AUTS2: variants seen among roughly 807,000 people sequenced by gnomAD.
AUTS2 encodes activator of transcription and developmental regulator AUTS2, also known as autism susceptibility gene 2 protein.
Under a neutral mutation model 112.4 loss-of-function variants are expected in AUTS2, and 17 were observed. The ratio of observed to expected loss-of-function variants is 0.15; its 90% CI spans 0.10 to 0.23. AUTS2 has a LOEUF of 0.23. AUTS2 is among the 10% of genes least tolerant of loss of function. The pLI, the probability that AUTS2 is intolerant of heterozygous loss-of-function variation, is 1.00. For synonymous variants in AUTS2, 751 were observed against 702.7 expected, an observed-to-expected ratio of 1.07 and a Z score of -1.09; for missense variants, 1,510 against 1,701.6, an observed-to-expected ratio of 0.89 and a Z score of 1.98.
chr7:70,073,948 G>A (rs1369768683), intron 2 of AUTS2, among the ~76,000 whole-genome samples: 1 of 152,142 alleles, frequency 6.6e-6, no homozygotes, highest in Non-Finnish European at 1.5e-5. Flanking sequence ...ATACTTATCT[G>A]TGAAAGGTTT....
intron 6 of AUTS2, among the ~76,000 whole-genome samples, chr7:70,742,882 T>C (rs1788200300): frequency 1.3e-5 from 2 of 152,098 alleles, no homozygotes; most frequent in South Asian, 2.1e-4. Context: ...ACCACAGATA[T>C]CAGGAAGCCC....
intron 4 of AUTS2, among the ~76,000 whole-genome samples, chr7:70,237,687 A>G (rs1262726187): frequency 6.6e-6 from 1 of 152,214 alleles, no homozygotes; most frequent in Non-Finnish European, 1.5e-5. Context: ...AAATGTATTA[A>G]TTCAACATGA....
chr7:69,894,265 T>TGTTTTTTTTTTG (rs1216689841), intron 1 of AUTS2, among the ~76,000 whole-genome samples: 1 of 119,152 alleles, frequency 8.4e-6, no homozygotes, highest in African/African-American at 2.9e-5. Flanking sequence ...TTTTTTTTTT[T>TGTTTTTTTTTTG]TTTTTTTTTT....
intron 1 of AUTS2, among the ~76,000 whole-genome samples, chr7:69,723,520 T>G (rs963408505): frequency 3.9e-5 from 6 of 152,130 alleles, no homozygotes; most frequent in African/African-American, 1.4e-4. Context: ...ATGATGATAA[T>G]TACAGGAAGA....
At chr7:70,056,727 A>G (rs981085518) in intron 2 of AUTS2, among the ~76,000 whole-genome samples, 1 of 152,188 alleles carries the variant, frequency 6.6e-6, no homozygotes, top group African/African-American at 2.4e-5. Context: ...AGGATTGGCA[A>G]CTGTGTGAGG....
At chr7:70,488,086 G>A (rs1474643670) in intron 5 of AUTS2, among the ~76,000 whole-genome samples, 5 of 152,192 alleles carry the variant, frequency 3.3e-5, no homozygotes, top group African/African-American at 1.2e-4. Context: ...CTGGAACCCA[G>A]CAATGGGAAG....
chr7:69,927,186 T>A (rs371769237), intron 2 of AUTS2, among the ~76,000 whole-genome samples: 3 of 142,408 alleles, frequency 2.1e-5, no homozygotes, highest in African/African-American at 5.1e-5. Flanking sequence ...TCCAATATAT[T>A]TATATATATA....
intron 1 of AUTS2, among the ~76,000 whole-genome samples, chr7:69,804,109 A>G (rs986583025): frequency 8.5e-5 from 13 of 152,176 alleles, no homozygotes; most frequent in Non-Finnish European, 1.2e-4. Context: ...TTATTTCCCT[A>G]AGAAAATGTA....
At chr7:70,510,351 C>T (rs1799132298) in intron 5 of AUTS2, among the ~76,000 whole-genome samples, 1 of 152,204 alleles carries the variant, frequency 6.6e-6, no homozygotes, top group Admixed American at 6.5e-5. Context: ...TTGAACTTAG[C>T]AACTGAAGAA....
chr7:70,603,282 T>A (rs1288628925), intron 5 of AUTS2, among the ~76,000 whole-genome samples: 4 of 152,184 alleles, frequency 2.6e-5, no homozygotes, highest in African/African-American at 9.7e-5. Context: ...AGGATGCTTT[T>A]GGGTAAGAGT....
chr7:69,642,943 C>T (rs984546439), intron 1 of AUTS2, among the ~76,000 whole-genome samples: 1 of 152,154 alleles, frequency 6.6e-6, no homozygotes, highest in African/African-American at 2.4e-5. Context: ...AGTCTGGGCA[C>T]TTCTTAGTTG....
chr7:69,646,956 C>T (rs989416498), intron 1 of AUTS2, among the ~76,000 whole-genome samples: 1 of 151,954 alleles, frequency 6.6e-6, no homozygotes, highest in African/African-American at 2.4e-5. Context: ...CGCGTAGTGG[C>T]GGGCGCCTGT....
rs371904658 is a variant in AUTS2, at chr7:69,883,282, C to CT, written c.310-15988dup. 4.9e-3 allele frequency among the ~76,000 whole-genome samples: 681 copies of CT among 137,672 alleles called. 1 individual carries two copies. Among genetic ancestry groups the CT allele is most frequent in the Middle Eastern group, 0.011 (3 of 264 alleles). 90.3% of individuals were successfully genotyped at this position (137,672 alleles called of 152,430 possible). On this transcript the variant is annotated intron_variant, in intron 1 of 18. Coordinates refer to ENST00000342771, the MANE Select transcript of AUTS2 (RefSeq NM_015570.4). ...AGCTTCGGGGTGGAGCATAGAGTTC[C>CT]TTTTTTTTTTTTTTTTCTTTAGCAG...
chr7:69,762,781 A>G (rs888308708), intron 1 of AUTS2, among the ~76,000 whole-genome samples: 2 of 152,226 alleles, frequency 1.3e-5, no homozygotes. Context: ...GTAAAGCAAC[A>G]ATAAGGAAAT....
rs180890666 is a variant in AUTS2 at position 69,862,441 on chromosome 7, A to C, written c.310-36845A>C. 1.5e-3 allele frequency among the ~76,000 whole-genome samples: 234 copies of C among 152,284 alleles called. 1 individual carries two copies. Among genetic ancestry groups the C allele is most frequent in the African/African-American group, 4.7e-3 (196 of 41,564 alleles). On this transcript the variant is annotated intron_variant, in intron 1 of 18. Coordinates refer to ENST00000342771, the MANE Select transcript of AUTS2 (RefSeq NM_015570.4). ...CCTCTAGGGGACAGAATGTATTTGC[A>C]TAGCTATAGACACTTTTCAGAGTTG...
At chr7:70,210,757 C>A (rs1227092406) in intron 4 of AUTS2, among the ~76,000 whole-genome samples, 2 of 152,226 alleles carry the variant, frequency 1.3e-5, no homozygotes. Flanking sequence ...CCATTACACA[C>A]ATGTGGTAAC....
intron 1 of AUTS2, among the ~76,000 whole-genome samples, chr7:69,767,253 C>T (rs1289671968): frequency 6.7e-6 from 1 of 149,666 alleles, no homozygotes; most frequent in East Asian, 2.0e-4. Flanking sequence ...GATCATGGCT[C>T]ACTGCAGCCT....
chr7:70,312,885 G>GT (rs1789824630), intron 4 of AUTS2, among the ~76,000 whole-genome samples: 1 of 152,130 alleles, frequency 6.6e-6, no homozygotes, highest in Non-Finnish European at 1.5e-5. Flanking sequence ...CTAATGTCTT[G>GT]AACAGTGTAG....
At chr7:70,231,023 T>G (rs114508924) in intron 4 of AUTS2, among the ~76,000 whole-genome samples, 2,019 of 152,376 alleles carry the variant, frequency 0.013, 48 homozygotes, top group African/African-American at 0.043. Context: ...AGACTCTCAC[T>G]GTTGTCAATG....
Sources: gnomAD v4.1 joint callset for allele counts (sites outside exome capture counted in the v4.1 genomes callset) on GRCh38, gnomAD v4.1.1 for gene constraint, MANE v1.5 for transcripts, NCBI Gene and HGNC (gene_info 2026-07-23, HGNC 2026-07-21) for gene names.